Variants in ADARB2 observed in about 807,000 individuals in gnomAD.
The protein encoded by ADARB2 is adenosine deaminase RNA specific B2 (inactive), also known as inactive double-stranded RNA-specific editase B2.
Under a neutral mutation model 62.2 loss-of-function variants are expected in ADARB2, and 25 were observed. That is an observed-to-expected ratio of 0.40 (90% CI 0.29 to 0.56). The LOEUF is 0.56. ADARB2 is among the 20% of genes least tolerant of loss of function. The pLI is 0.43. For synonymous variants in ADARB2, 572 were observed against 500.8 expected (o/e 1.14, Z -1.90); for missense variants, 1,071 against 1,077.4 (o/e 0.99, Z 0.08).
At chr10:1,345,368 G>A (rs541034164) in intron 3 of ADARB2, among the ~76,000 whole-genome samples, 17 of 152,150 alleles carry the variant, frequency 1.1e-4, no homozygotes, top group Non-Finnish European at 2.2e-4. Context: ...ATGTTGCTCC[G>A]GACACCCAGC....
At chr10:1,694,579 G>A (rs915649077) in intron 1 of ADARB2, among the ~76,000 whole-genome samples, 1 of 152,200 alleles carries the variant, frequency 6.6e-6, no homozygotes, top group Non-Finnish European at 1.5e-5. Context: ...GCCCCATTCA[G>A]GGGAATGGTG....
chr10:1,383,447 AG>A (rs1832501068), intron 1 of ADARB2, among the ~76,000 whole-genome samples: 1 of 148,456 alleles, frequency 6.7e-6, no homozygotes, highest in Non-Finnish European at 1.5e-5. Flanking sequence ...AAAAAAAAAA[AG>A]CGATGGCTTA....
intron 1 of ADARB2, among the ~76,000 whole-genome samples, chr10:1,385,256 T>C (rs1039192226): frequency 8.5e-5 from 13 of 152,172 alleles, no homozygotes; most frequent in African/African-American, 2.6e-4. Context: ...ATGACATTGC[T>C]AGAAGTGAGA....
intron 1 of ADARB2, among the ~76,000 whole-genome samples, chr10:1,702,126 G>A (rs940140708): frequency 2.0e-5 from 3 of 152,244 alleles, no homozygotes; most frequent in African/African-American, 7.2e-5. Context: ...ATGTGACCAG[G>A]ACAGAGAATG....
At position 1,601,150 on chromosome 10, in the gene ADARB2, G is replaced by A. The variant is rs138878056; in HGVS notation, c.100+135901C>T. On this transcript the variant is annotated intron_variant, in intron 1 of 9. Coordinates refer to ENST00000381312, the MANE Select transcript of ADARB2 (RefSeq NM_018702.4). ...ACAGAAAGCCAGTTTGCCTGTTCCC[G>A]TCCTCTTTGGAACACCCAACTCATA... 8.1e-4 allele frequency among the ~76,000 whole-genome samples: 124 copies of A among 152,286 alleles called. 1 individual carries two copies. The highest frequency in any genetic ancestry group is 2.5e-3 in the African/African-American group (103 of 41,558).
intron 1 of ADARB2, among the ~76,000 whole-genome samples, chr10:1,726,976 T>C (rs1270141408): frequency 2.0e-5 from 3 of 152,144 alleles, no homozygotes; most frequent in Non-Finnish European, 4.4e-5. Flanking sequence ...TTTTAGAACA[T>C]GTTCTAGAGC....
intron 3 of ADARB2, among the ~76,000 whole-genome samples, chr10:1,331,182 A>G (rs1831924726): frequency 6.6e-6 from 1 of 152,254 alleles, no homozygotes; most frequent in South Asian, 2.1e-4. Context: ...GGGATTCAAA[A>G]TGATGCAACC....
At chr10:1,248,309 G>A (rs915063186) in intron 4 of ADARB2, among the ~76,000 whole-genome samples, 1 of 151,134 alleles carries the variant, frequency 6.6e-6, no homozygotes, top group African/African-American at 2.4e-5. Context: ...CAAACAGGAA[G>A]CTCTGGAGTG....
intron 1 of ADARB2, among the ~76,000 whole-genome samples, chr10:1,569,552 A>T (rs1237648278): frequency 6.6e-6 from 1 of 152,164 alleles, no homozygotes; most frequent in Non-Finnish European, 1.5e-5. Flanking sequence ...TCAGCTTCTG[A>T]TTTTATTCTT....
chr10:1,722,077 G>A (rs1052065472), intron 1 of ADARB2, among the ~76,000 whole-genome samples: 5 of 152,170 alleles, frequency 3.3e-5, no homozygotes, highest in African/African-American at 1.2e-4. Context: ...GGAACAGATG[G>A]GAAGAGCTAT....
Position 1,503,571 on chromosome 10 carries a change from C to T in ADARB2, c.101-124411G>A, listed in dbSNP as rs577036993. 2.0e-5 allele frequency among the ~76,000 whole-genome samples: 3 copies of T among 152,104 alleles called. No homozygotes were observed. In the South Asian group the frequency reaches 6.3e-4, roughly 32 times the overall value. ...ACAGCACGATATAGATCTTGGTCAG[C>T]AAATATTTTCCATAAAGGGCCGTGA... On this transcript the variant is annotated intron_variant, in intron 1 of 9. Transcript: ENST00000381312.
intron 1 of ADARB2, among the ~76,000 whole-genome samples, chr10:1,459,379 A>T (rs1008156768): frequency 2.6e-5 from 4 of 152,244 alleles, no homozygotes; most frequent in African/African-American, 9.6e-5. Context: ...TTGCTGGGAC[A>T]TGGATGGAGC....
intron 1 of ADARB2, among the ~76,000 whole-genome samples, chr10:1,475,760 G>C (rs1225227403): frequency 6.6e-6 from 1 of 152,202 alleles, no homozygotes; most frequent in African/African-American, 2.4e-5. Context: ...GAGAGATAGG[G>C]CTGCCCAATG....
chr10:1,537,197 C>T (rs894491628), intron 1 of ADARB2, among the ~76,000 whole-genome samples: 27 of 152,288 alleles, frequency 1.8e-4, no homozygotes, highest in African/African-American at 6.0e-4. Context: ...ATGAGGCCAA[C>T]AAACATATGA....
intron 1 of ADARB2, among the ~76,000 whole-genome samples, chr10:1,696,187 CAT>C (rs3062722): frequency 0.64 from 94,892 of 148,892 alleles, 30,857 homozygotes; most frequent in East Asian, 0.81. Context: ...TGCACACATG[CAT>C]ATATGTGTCA....
At chr10:1,600,738 TAGA>T (rs1247386053) in intron 1 of ADARB2, among the ~76,000 whole-genome samples, 1 of 149,956 alleles carries the variant, frequency 6.7e-6, no homozygotes, top group Non-Finnish European at 1.5e-5. Flanking sequence ...CTGCTCCGAC[TAGA>T]AGGAGTCCCA....
intron 1 of ADARB2, among the ~76,000 whole-genome samples, chr10:1,607,620 C>T (rs919054543): frequency 2.0e-5 from 3 of 152,228 alleles, no homozygotes; most frequent in African/African-American, 7.2e-5. Flanking sequence ...GTGCCATTCA[C>T]TCCTCCAGTA....
intron 1 of ADARB2, among the ~76,000 whole-genome samples, chr10:1,544,834 A>G (rs1832493933): frequency 6.6e-6 from 1 of 152,134 alleles, no homozygotes; most frequent in Non-Finnish European, 1.5e-5. Context: ...TGTAAAGAGT[A>G]TGTAATATGT....
intron 6 of ADARB2, among the ~76,000 whole-genome samples, chr10:1,220,186 G>GTGA (rs534646249): frequency 8.5e-6 from 1 of 117,056 alleles, no homozygotes; most frequent in African/African-American, 3.4e-5. Flanking sequence ...GATGATGGTG[G>GTGA]TGATGATGAT....
Sources: gnomAD v4.1 joint callset for allele counts (sites outside exome capture counted in the v4.1 genomes callset) on GRCh38, gnomAD v4.1.1 for gene constraint, MANE v1.5 for transcripts, NCBI Gene and HGNC (gene_info 2026-07-23, HGNC 2026-07-21) for gene names.